ME1: variants seen among roughly 807,000 people sequenced by gnomAD.
ME1 encodes the protein NADP-dependent malic enzyme.
In ME1, 74 loss-of-function variants were observed where a neutral mutation model predicts 66.4. That is an observed-to-expected ratio of 1.11 (90% CI 0.92 to 1.35). The LOEUF is 1.35. Among genes scored for constraint, ME1 ranks in the 40% most tolerant of loss-of-function variants. The probability of loss-of-function intolerance (pLI) is 0.00; values close to 1 mark genes in which losing one functional copy is unlikely to be tolerated. For missense variants in ME1, 750 were observed against 694.1 expected, an observed-to-expected ratio of 1.08 and a Z score of -0.90; for synonymous variants, 251 against 235.6, an observed-to-expected ratio of 1.07 and a Z score of -0.60.
intron 12 of ME1, among the ~76,000 whole-genome samples, chr6:83,217,224 C>A (rs925106747): frequency 6.6e-6 from 1 of 152,102 alleles, no homozygotes; most frequent in African/African-American, 2.4e-5. Context: ...GACTCAGTAA[C>A]CCTGATGTTC....
chr6:83,416,800 G>A (rs1258078315), intron 1 of ME1, among the ~76,000 whole-genome samples: 1 of 151,822 alleles, frequency 6.6e-6, no homozygotes, highest in Non-Finnish European at 1.5e-5. Context: ...GGAGGCAGAG[G>A]TGGTAGGATG....
Position 83,407,850 on chromosome 6 carries a change from ACAATC to A in ME1, c.125_129del (p.Gly42ValfsTer14), listed in dbSNP as rs1769975909. The A allele has an allele frequency of 6.2e-7, 1 of 1,613,406 alleles. No individual in the cohort carries two copies. Among genetic ancestry groups the A allele is most frequent in the African/African-American group, 1.3e-5 (1 of 74,908 alleles). On this transcript the variant is annotated frameshift_variant, in exon 2 of 14. Transcript: ENST00000369705. LOFTEE classifies it high-confidence loss of function. The stretch of plus-strand genomic sequence containing the variant: ...TCCTGACTGTTGAAGGAAGGTGGCA[ACAATC>A]CATGAATGTTCAATTGCTGTCTCTC...
intron 6 of ME1, among the ~76,000 whole-genome samples, chr6:83,277,141 C>T (rs916279642): frequency 4.6e-5 from 7 of 152,168 alleles, no homozygotes; most frequent in Non-Finnish European, 7.3e-5. Context: ...TAAACATTCT[C>T]TTAAATAAAA....
intron 6 of ME1, among the ~76,000 whole-genome samples, chr6:83,255,288 T>C (rs2128528515): frequency 6.6e-6 from 1 of 152,068 alleles, no homozygotes; most frequent in Admixed American, 6.6e-5. Context: ...AGTTGTTTTC[T>C]TTATTATTTC....
intron 6 of ME1, among the ~76,000 whole-genome samples, chr6:83,273,987 T>TTAA (rs1285314175): frequency 3.3e-5 from 5 of 152,184 alleles, no homozygotes; most frequent in Non-Finnish European, 5.9e-5. Context: ...TTTGGCCCTA[T>TTAA]TAATCCCTTC....
rs1296082420 is a variant in ME1 at position 83,211,995 on chromosome 6, C to T, written c.1648G>A (p.Asp550Asn). The T allele has an allele frequency of 6.2e-7, 1 of 1,611,736 alleles. No homozygotes were observed. The highest frequency in any genetic ancestry group is 8.5e-7 in the Non-Finnish European group (1 of 1,178,626). ...VRSQMYSTDY[D>N]QILPDCYSWP... ...GAATAACAATCAGGTAGAATCTGGT[C>T]ATAATCAGTACTATACATCTGGGAG... The change falls in exon 14 of 14, where the codon GAC (aspartate) becomes AAC (asparagine). Residue 550 changes from aspartate (D) to asparagine (N), a missense_variant. By Grantham distance (23) the Asp-to-Asn change is conservative (BLOSUM62 1). Coordinates refer to ENST00000369705, the MANE Select transcript of ME1 (RefSeq NM_002395.6).
intron 6 of ME1, among the ~76,000 whole-genome samples, chr6:83,287,615 C>A (rs1018645795): frequency 2.6e-5 from 4 of 152,120 alleles, no homozygotes; most frequent in African/African-American, 9.7e-5. Flanking sequence ...AATAAACATA[C>A]GTGTGCATGT....
chr6:83,309,834 C>T (rs767245390), intron 6 of ME1, among the ~76,000 whole-genome samples: 13 of 151,928 alleles, frequency 8.6e-5, no homozygotes, highest in East Asian at 5.8e-4. Flanking sequence ...AGGAAAACTA[C>T]GAAGGAACAA....
At position 83,311,332 on chromosome 6, in the gene ME1, G is replaced by C. The variant is rs145222239; in HGVS notation, c.704+3978C>G. The stretch of plus-strand genomic sequence containing the variant: ...AAAAGGGCTGGAACCTAGGAAAAGG[G>C]AGAGCTTACTGATTTGCAGGCACTC... On this transcript the variant is annotated intron_variant, in intron 6 of 13. Transcript: ENST00000369705. 7.3e-3 allele frequency among the ~76,000 whole-genome samples: 1,111 copies of C among 152,276 alleles called. 12 individuals are homozygous for C. Among genetic ancestry groups the C allele is most frequent in the African/African-American group, 0.025 (1,037 of 41,548 alleles).
At position 83,354,357 on chromosome 6, in the gene ME1, C is replaced by T. The variant is rs141865185; in HGVS notation, c.363-2218G>A. On this transcript the variant is annotated intron_variant, in intron 3 of 13. Coordinates refer to ENST00000369705, the MANE Select transcript of ME1 (RefSeq NM_002395.6). ...ACGTTGGCCAGGCTGGTCTTGAACTCCTGACCTCAAGTGATCCGCCTGCCT... is the reference window on the plus strand; with the variant it reads ...ACGTTGGCCAGGCTGGTCTTGAACTTCTGACCTCAAGTGATCCGCCTGCCT... 1.0e-3 allele frequency among the ~76,000 whole-genome samples: 153 copies of T among 152,272 alleles called. 1 individual carries two copies. In the Middle Eastern group the frequency reaches 0.01, roughly 10 times the overall value.
rs1289865432 is a variant in ME1, at chr6:83,211,895, T to C, written c.*29A>G. 9 of 1,482,900 alleles carry C rather than the reference T, an allele frequency of 6.1e-6. No homozygotes were observed. The highest frequency in any genetic ancestry group is 2.8e-5 in the African/African-American group (2 of 71,046). The allele number at this position is 1,482,900 out of a possible 1,614,324, so 91.9% of individuals were successfully genotyped here. On this transcript the variant is annotated 3_prime_UTR_variant, in exon 14 of 14. Coordinates refer to ENST00000369705, the MANE Select transcript of ME1 (RefSeq NM_002395.6). ...ATTATGAAAGGTTTAAAGACCTCAT[T>C]AATAGAGTTAGAAATGTTTGCTATT... is the stretch of plus-strand genomic sequence containing the variant.
intron 8 of ME1, 142 bp from the exon 9 acceptor site, chr6:83,237,972 C>T: frequency 2.1e-6 from 1 of 483,974 alleles, no homozygotes; most frequent in Admixed American, 3.9e-5. Flanking sequence ...ATTATTTACC[C>T]TTTTTACTAC....
At chr6:83,373,795 T>G (rs1347966680) in intron 3 of ME1, among the ~76,000 whole-genome samples, 1 of 152,136 alleles carries the variant, frequency 6.6e-6, no homozygotes, top group African/African-American at 2.4e-5. Context: ...GTGTGTGTTG[T>G]TCCCCTCCCT....
At chr6:83,355,676 T>A (rs559038116) in intron 3 of ME1, among the ~76,000 whole-genome samples, 1 of 152,236 alleles carries the variant, frequency 6.6e-6, no homozygotes, top group South Asian at 2.1e-4. Context: ...TGTTTCATAA[T>A]TAGAAACCGA....
rs1196002676 is a variant in ME1 at position 83,210,923 on chromosome 6, CT to C, written c.*1000del. ...TGATACTGGGAACTTAATTATAATA[CT>C]TTCTCCAAATTCAGGCAAAAGCAAG... On this transcript the variant is annotated 3_prime_UTR_variant, in exon 14 of 14. Transcript: ENST00000369705. The C allele has an allele frequency of 2.6e-5, 4 of 152,172 alleles. No individual in the cohort carries two copies. The highest frequency in any genetic ancestry group is 5.9e-5 in the Non-Finnish European group (4 of 68,026). The allele number at this position is 152,172 out of a possible 1,614,324, so 9.4% of individuals were successfully genotyped here. A position where few individuals can be genotyped will look rare whatever the true frequency, so the allele number is the denominator to read the frequency against.
chr6:83,213,525 C>G (rs1041607416), intron 13 of ME1, among the ~76,000 whole-genome samples: 3 of 152,084 alleles, frequency 2.0e-5, no homozygotes, highest in African/African-American at 7.2e-5. Context: ...CCACCACACC[C>G]GGCTAATTTC....
intron 5 of ME1, among the ~76,000 whole-genome samples, chr6:83,325,169 T>G (rs1487429850): frequency 2.6e-5 from 4 of 152,148 alleles, no homozygotes; most frequent in Non-Finnish European, 5.9e-5. Flanking sequence ...CAACAACCCT[T>G]CATGCTAAAA....
intron 6 of ME1, among the ~76,000 whole-genome samples, chr6:83,263,696 G>T (rs1384352281): frequency 1.3e-5 from 2 of 151,888 alleles, no homozygotes; most frequent in African/African-American, 2.4e-5. Flanking sequence ...CAGAAGAAAA[G>T]TTTGATGCTA....
chr6:83,421,787 C>A (rs1451955640), intron 1 of ME1, among the ~76,000 whole-genome samples: 1 of 152,130 alleles, frequency 6.6e-6, no homozygotes, highest in Admixed American at 6.5e-5. Context: ...TCTCTAGTCC[C>A]AACTCCCAGG....
Sources: allele counts gnomAD v4.1 joint callset (sites outside exome capture counted in the v4.1 genomes callset), GRCh38; gene constraint gnomAD v4.1.1; transcripts MANE v1.5; gene names NCBI Gene and HGNC (gene_info 2026-07-23, HGNC 2026-07-21).